VPS39: variants seen among roughly 807,000 people sequenced by gnomAD.
VPS39 encodes vam6/Vps39-like protein.
Under a neutral mutation model 121.0 loss-of-function variants are expected in VPS39, and 70 were observed. The observed-to-expected ratio is 0.58, with a 90% CI of 0.48 to 0.71. The LOEUF (loss-of-function observed/expected upper bound fraction) is 0.71, where lower values mean the gene tolerates loss of function less well. Among genes scored for constraint, VPS39 ranks in the 30% least tolerant of loss-of-function variants. VPS39 has a pLI of 0.00. For missense variants in VPS39, 818 were observed against 1,051.5 expected, an observed-to-expected ratio of 0.78 and a Z score of 3.07; for synonymous variants, 378 against 398.1, an observed-to-expected ratio of 0.95 and a Z score of 0.60.
At chr15:42,167,083 C>T (rs984641057) in intron 13 of VPS39, among the ~76,000 whole-genome samples, 170 bp from the exon 14 acceptor site, 19 of 152,216 alleles carry the variant, frequency 1.2e-4, no homozygotes, top group African/African-American at 4.1e-4. Flanking sequence ...TATGGACCTT[C>T]GCACAATGTG....
intron 12 of VPS39, 102 bp from the exon 13 acceptor site, chr15:42,167,639 G>T (rs2049271321): frequency 2.1e-6 from 3 of 1,451,988 alleles, no homozygotes; most frequent in Non-Finnish European, 2.8e-6. Context: ...CATGCCTATT[G>T]GCCTGATCTC....
intron 10 of VPS39, among the ~76,000 whole-genome samples, chr15:42,174,313 C>T (rs2049406031): frequency 1.3e-5 from 2 of 152,102 alleles, no homozygotes; most frequent in Admixed American, 1.3e-4. Flanking sequence ...TGCAGCCTGC[C>T]CTTACAGTCT....
At chr15:42,207,396 G>A (rs1340844749) in intron 1 of VPS39, among the ~76,000 whole-genome samples, 1 of 152,160 alleles carries the variant, frequency 6.6e-6, no homozygotes, top group Non-Finnish European at 1.5e-5. Flanking sequence ...GTATTTCAGA[G>A]CACACAAGAG....
At chr15:42,166,670 C>T (rs776368527) in intron 14 of VPS39, 21 bp from the exon 15 acceptor site, 1 of 1,614,160 alleles carries the variant, frequency 6.2e-7, no homozygotes, top group Non-Finnish European at 8.5e-7. Flanking sequence ...AGCCCAAGAA[C>T]AAGGTCATGA....
rs758234789 is a variant in VPS39, at chr15:42,169,784, A to C, written c.1173T>G (p.Pro391=). 9 of 1,614,180 alleles carry C rather than the reference A, an allele frequency of 5.6e-6. No homozygotes were observed. The highest frequency in any genetic ancestry group is 7.6e-6 in the Non-Finnish European group (9 of 1,180,050). ...RKQLQYPNPL[P]VLSGAELEKA... ...TCTCCAATTCAGCCCCGGAGAGCACAGGCAATGGGTTGGGATACTGCAACT... is the reference window on the plus strand; with the variant it reads ...TCTCCAATTCAGCCCCGGAGAGCACCGGCAATGGGTTGGGATACTGCAACT... Residue 391 remains proline (P), a synonymous_variant, in exon 12 of 25, where the codon CCT becomes CCG. Coordinates refer to ENST00000318006, the MANE Select transcript of VPS39 (RefSeq NM_015289.5).
chr15:42,191,343 C>T, intron 3 of VPS39, 153 bp downstream of exon 3: 1 of 1,062,730 alleles, frequency 9.4e-7, no homozygotes. Flanking sequence ...GAGAGAGGAT[C>T]TCAGGCACAT....
At chr15:42,173,666 C>T in intron 11 of VPS39, 57 bp downstream of exon 11, 1 of 1,583,722 alleles carries the variant, frequency 6.3e-7, no homozygotes, top group Non-Finnish European at 8.6e-7. Context: ...TCTCCCCATA[C>T]TTTTCAGGCT....
intron 13 of VPS39, 137 bp from the exon 14 acceptor site, chr15:42,167,050 CAGGTA>C: frequency 8.0e-7 from 1 of 1,255,106 alleles, no homozygotes; most frequent in South Asian, 1.4e-5. Context: ...TTCAGGACAG[CAGGTA>C]GAGGCTTTTA....
In VPS39 at chr15:42,184,652, G is replaced by A. The variant is rs1461261953; in HGVS notation, c.583C>T (p.Leu195=). 6.2e-7 allele frequency: 1 copy of A among 1,614,120 alleles called. No homozygotes were observed. The change falls in exon 8 of 25, where the codon CTG becomes TTG. Residue 195 remains leucine, a synonymous_variant. Coordinates refer to ENST00000318006, the MANE Select transcript of VPS39 (RefSeq NM_015289.5). The part of the protein sequence containing the change: ...IKELFPTGKQ[L]EPLVAPLADG... ...GCCAGAGGTGCAACTAAGGGCTCCA[G>A]CTGTTTTCCTGTTGGAAAGAGCTCT... is the stretch of plus-strand genomic sequence containing the variant.
In VPS39 at chr15:42,170,741, A is replaced by ATTTTTTTTTTTTTT. The variant is rs869280235; in HGVS notation, c.1091-889_1091-876dup. Among the ~76,000 whole-genome samples, 2 of 50,472 alleles carry ATTTTTTTTTTTTTT rather than the reference A, an allele frequency of 4.0e-5. 1 individual carries two copies. The highest frequency in any genetic ancestry group is 7.0e-5 in the Non-Finnish European group (2 of 28,632). The allele number at this position is 50,472 out of a possible 152,430, so 33.1% of individuals were successfully genotyped here. On this transcript the variant is annotated intron_variant, in intron 11 of 24. Coordinates refer to ENST00000318006, the MANE Select transcript of VPS39 (RefSeq NM_015289.5). The stretch of plus-strand genomic sequence containing the variant: ...ATGGTGTTCTCACAGATGCTCGCAG[A>ATTTTTTTTTTTTTT]TTTTTTTTTTTTTTTTTTTTTTTTT...
rs771225035 is a variant in VPS39, at chr15:42,163,334, C to A, written c.2175+16G>T. On this transcript the variant is annotated intron_variant, in intron 21 of 24. Transcript: ENST00000318006. ...AGGTATGCACACGTGCTCCCTGGGT[C>A]AGGGTCACTACTCACATCTTTGTTG... The A allele has an allele frequency of 6.2e-7, 1 of 1,614,204 alleles. No individual in the cohort carries two copies. The highest frequency in any genetic ancestry group is 8.5e-7 in the Non-Finnish European group (1 of 1,180,032).
intron 8 of VPS39, among the ~76,000 whole-genome samples, chr15:42,183,209 T>C (rs1246096922): frequency 2.0e-5 from 3 of 151,348 alleles, no homozygotes; most frequent in African/African-American, 7.3e-5. Context: ...GCAGTTCTCC[T>C]GCCTCAACTT....
At position 42,159,537 on chromosome 15, in the gene VPS39, G is replaced by A. The variant is rs906822781; in HGVS notation, c.*1217C>T. ...CACTGCTCCACAGGTTTGGCGGTGA[G>A]TTATTTTTAAACCAGCGTCCTGCTG... is the stretch of plus-strand genomic sequence containing the variant. On this transcript the variant is annotated 3_prime_UTR_variant, in exon 25 of 25. Coordinates refer to ENST00000318006, the MANE Select transcript of VPS39 (RefSeq NM_015289.5). 8 of 152,388 alleles carry A rather than the reference G, an allele frequency of 5.2e-5. No individual in the cohort carries two copies. The highest frequency in any genetic ancestry group is 1.9e-4 in the African/African-American group (8 of 41,464). 9.4% of individuals were successfully genotyped at this position (152,388 alleles called of 1,614,324 possible).
chr15:42,167,433 T>C lies in VPS39; in HGVS notation c.1338A>G (p.Leu446=), dbSNP rs1184783311. 1.2e-6 allele frequency: 2 copies of C among 1,614,172 alleles called. No homozygotes were observed. The highest frequency in any genetic ancestry group is 1.7e-6 in the Non-Finnish European group (2 of 1,180,028). ...TGAGCAGGGTGGTGTCGATGATTTG[T>C]AGCAGCTTCTTCTTGGATTTGATGG... ...TPTIKSKKKL[L]QIIDTTLLKC... Residue 446 remains leucine (L), a synonymous_variant, in exon 13 of 25, where the codon CTA becomes CTG. Transcript: ENST00000318006.
chr15:42,173,540 T>C (rs1046350286), intron 11 of VPS39, 183 bp downstream of exon 11: 16 of 610,120 alleles, frequency 2.6e-5, no homozygotes, highest in South Asian at 9.7e-5. Context: ...ACCAGATTCA[T>C]AGGATTAGGA....
intron 1 of VPS39, among the ~76,000 whole-genome samples, chr15:42,206,755 T>C (rs2050181238): frequency 6.6e-6 from 1 of 152,226 alleles, no homozygotes; most frequent in Non-Finnish European, 1.5e-5. Context: ...GCACAGGCAC[T>C]GTTTCTTATT....
At chr15:42,208,002 G>A in intron 1 of VPS39, 79 bp downstream of exon 1, 2 of 1,481,952 alleles carry the variant, frequency 1.3e-6, no homozygotes, top group Non-Finnish European at 1.8e-6. Context: ...ATGGACGCCT[G>A]TCCACTTCCC....
intron 8 of VPS39, among the ~76,000 whole-genome samples, chr15:42,181,541 G>T (rs755407779): frequency 6.6e-6 from 1 of 152,108 alleles, no homozygotes; most frequent in Non-Finnish European, 1.5e-5. Context: ...GTGGTAAATT[G>T]TATGTTATGT....
intron 5 of VPS39, among the ~76,000 whole-genome samples, chr15:42,188,216 G>A (rs1368279433): frequency 6.6e-6 from 1 of 152,154 alleles, no homozygotes; most frequent in African/African-American, 2.4e-5. Context: ...TGGGTTAAGG[G>A]TGACCATGTG....
Sources: allele counts gnomAD v4.1 joint callset (sites outside exome capture counted in the v4.1 genomes callset), GRCh38; gene constraint gnomAD v4.1.1; transcripts MANE v1.5; gene names NCBI Gene and HGNC (gene_info 2026-07-23, HGNC 2026-07-21).